Variants in PPM1A observed in about 807,000 individuals in gnomAD.
PPM1A encodes protein phosphatase 1A.
PPM1A carries 7 observed loss-of-function variants against 35.0 expected under a neutral mutation model. The ratio of observed to expected loss-of-function variants is 0.20; its 90% CI spans 0.11 to 0.38. The LOEUF (loss-of-function observed/expected upper bound fraction) is 0.38. Among genes scored for constraint, PPM1A ranks in the 10% least tolerant of loss-of-function variants. The pLI is 1.00. For synonymous variants in PPM1A, 153 were observed against 167.3 expected (o/e 0.91, Z 0.66); for missense variants, 239 against 467.8 (o/e 0.51, Z 4.51).
At chr14:60,259,351 CCTTT>C (rs998808903) in intron 1 of PPM1A, among the ~76,000 whole-genome samples, 6 of 151,880 alleles carry the variant, frequency 4.0e-5, no homozygotes, top group African/African-American at 1.2e-4. Flanking sequence ...TTATATTTTT[CCTTT>C]CTTTCAACTT....
chr14:60,246,063 G>T (rs749759118), upstream of PPM1A: 24 of 1,495,376 alleles, frequency 1.6e-5, no homozygotes, highest in Non-Finnish European at 2.1e-5. Flanking sequence ...AGGGAGGAAG[G>T]AATTGTTGAA....
intron 1 of PPM1A, among the ~76,000 whole-genome samples, chr14:60,275,351 C>A (rs887450083): frequency 6.6e-6 from 1 of 151,916 alleles, no homozygotes; most frequent in African/African-American, 2.4e-5. Flanking sequence ...GCTTTGTAAC[C>A]TTGGGCAAGT....
chr14:60,290,551 C>G (rs1566608109), intron 4 of PPM1A, among the ~76,000 whole-genome samples: 1 of 152,110 alleles, frequency 6.6e-6, no homozygotes, highest in Non-Finnish European at 1.5e-5. Flanking sequence ...CCTCAAATAT[C>G]CATATAATTG....
At chr14:60,279,219 A>G (rs896210480) in intron 1 of PPM1A, among the ~76,000 whole-genome samples, 3 of 152,140 alleles carry the variant, frequency 2.0e-5, no homozygotes, top group Non-Finnish European at 4.4e-5. Flanking sequence ...CCCAGGTTCA[A>G]ACAATTCTCC....
intron 1 of PPM1A, among the ~76,000 whole-genome samples, chr14:60,278,336 T>C (rs1885997610): frequency 8.9e-6 from 1 of 112,478 alleles, no homozygotes; most frequent in South Asian, 2.8e-4. Context: ...TGGCTCCCAG[T>C]TTCTTTTTTT....
Position 60,295,217 on chromosome 14 carries a change from C to T in PPM1A, c.*2735C>T, listed in dbSNP as rs886242712. On this transcript the variant is annotated 3_prime_UTR_variant, in exon 6 of 6. Coordinates refer to ENST00000395076, the MANE Select transcript of PPM1A (RefSeq NM_021003.5). ...AGGAAATAACATTTTGTATAGCAGG[C>T]TCTGTTTTACCCTAACATTAAAAAA... 6.6e-6 allele frequency: 1 copy of T among 151,660 alleles called. No individual in the cohort carries two copies. The highest frequency in any genetic ancestry group is 1.5e-5 in the Non-Finnish European group (1 of 67,702). The allele number at this position is 151,660 out of a possible 1,614,324, so 9.4% of individuals were successfully genotyped here. A position where few individuals can be genotyped will look rare whatever the true frequency, so the allele number is the denominator to read the frequency against.
chr14:60,283,519 C>T lies in PPM1A; in HGVS notation c.816C>T (p.Val272=), dbSNP rs775726793. 2.2e-5 allele frequency: 35 copies of T among 1,611,622 alleles called. No individual in the cohort carries two copies. The highest frequency in any genetic ancestry group is 4.0e-5 in the African/African-American group (3 of 74,756). The change falls in exon 2 of 6, where the codon GTC becomes GTT. Residue 272 remains valine (V), a synonymous_variant. Coordinates refer to ENST00000395076, the MANE Select transcript of PPM1A (RefSeq NM_021003.5). The surrounding 1 kb of genome is among the most constrained non-coding windows in gnomAD (Gnocchi z 6.3). ...DDLEKVCNEV[V]DTCLYKGSRD... ...TTGAGAAAGTTTGCAATGAAGTAGT[C>T]GACACCTGTTTGTATAAGGTAGCTA...
At chr14:60,249,161 C>A, upstream of PPM1A, 1 of 901,696 alleles carries the variant, frequency 1.1e-6, no homozygotes, top group Non-Finnish European at 1.3e-6. This position sits in a 1 kb window ranked among gnomAD's most constrained non-coding sequence, Gnocchi z 4.5. Flanking sequence ...CGGGGCGGGG[C>A]GAGCGGAGGG....
chr14:60,267,749 G>A (rs778793594), intron 1 of PPM1A, among the ~76,000 whole-genome samples: 2 of 152,010 alleles, frequency 1.3e-5, no homozygotes, highest in Non-Finnish European at 2.9e-5. Flanking sequence ...ATAATACAGT[G>A]AACTTCCATA....
At chr14:60,285,553 G>A in intron 2 of PPM1A, 71 bp from the exon 3 acceptor site, 1 of 1,469,506 alleles carries the variant, frequency 6.8e-7, no homozygotes, top group African/African-American at 1.4e-5. Flanking sequence ...AATTGGCACA[G>A]CTGTAAAGGT....
chr14:60,261,243 A>G (rs190842416), intron 1 of PPM1A, among the ~76,000 whole-genome samples: 2 of 152,324 alleles, frequency 1.3e-5, no homozygotes, highest in Non-Finnish European at 2.9e-5. Flanking sequence ...AGGATTAGAA[A>G]GAGACATTAA....
At chr14:60,268,736 A>T (rs1175124859) in intron 1 of PPM1A, among the ~76,000 whole-genome samples, 3 of 151,690 alleles carry the variant, frequency 2.0e-5, no homozygotes, top group Non-Finnish European at 4.4e-5. Flanking sequence ...GTTTGGTCAC[A>T]TCTCAGAATT....
At chr14:60,284,827 T>C (rs1488324886) in intron 2 of PPM1A, among the ~76,000 whole-genome samples, 1 of 151,598 alleles carries the variant, frequency 6.6e-6, no homozygotes, top group Non-Finnish European at 1.5e-5. Context: ...GCTAACAGCA[T>C]TAAGACTAGA....
chr14:60,285,778 A>C, intron 3 of PPM1A, 37 bp downstream of exon 3: 1 of 1,598,836 alleles, frequency 6.3e-7, no homozygotes, highest in Non-Finnish European at 8.5e-7. Context: ...GCTTTATTAA[A>C]GAAAAATCTT....
chr14:60,249,682 G>C lies in PPM1A; in HGVS notation c.-21+5G>C, dbSNP rs1238914737. ...GCCCGCCTGCGGCTGCTCCGGGTAAGTGCGGCGCTCGGGCCGACGGCGGGC... is the reference window on the plus strand; with the variant it reads ...GCCCGCCTGCGGCTGCTCCGGGTAACTGCGGCGCTCGGGCCGACGGCGGGC... On this transcript the variant is annotated splice_donor_5th_base_variant and intron_variant, in intron 1 of 5. Coordinates refer to ENST00000395076, the MANE Select transcript of PPM1A (RefSeq NM_021003.5). This position sits in a 1 kb window ranked among gnomAD's most constrained non-coding sequence, Gnocchi z 4.5. 1.6e-5 allele frequency: 16 copies of C among 984,046 alleles called. No homozygotes were observed. The highest frequency in any genetic ancestry group is 6.2e-5 in the Admixed American group (1 of 16,042). The allele number at this position is 984,046 out of a possible 1,614,324, so 61.0% of individuals were successfully genotyped here.
At chr14:60,287,267 CTTA>C in intron 3 of PPM1A, 1 of 972,534 alleles carries the variant, frequency 1.0e-6, no homozygotes, top group Non-Finnish European at 1.2e-6. Flanking sequence ...TTTTATATTT[CTTA>C]TTATCAAGCA....
chr14:60,277,545 AT>A (rs1057258333), intron 1 of PPM1A, among the ~76,000 whole-genome samples: 2 of 152,000 alleles, frequency 1.3e-5, no homozygotes, highest in Admixed American at 1.3e-4. Flanking sequence ...TACTGTATAT[AT>A]TTTTTAAAGT....
chr14:60,288,206 T>G, intron 3 of PPM1A: 3 of 981,486 alleles, frequency 3.1e-6, no homozygotes, highest in Non-Finnish European at 3.6e-6. Context: ...AGAATTTGTT[T>G]TCCTGTAATT....
At chr14:60,264,178 TG>T (rs574557154) in intron 1 of PPM1A, among the ~76,000 whole-genome samples, 41 of 152,334 alleles carry the variant, frequency 2.7e-4, no homozygotes, top group African/African-American at 7.9e-4. Context: ...TGCATTACTT[TG>T]TTTTTCAGCT....
Sources: gnomAD v4.1 joint callset for allele counts (sites outside exome capture counted in the v4.1 genomes callset) on GRCh38, gnomAD v4.1.1 for gene constraint, Gnocchi (gnomAD v3.1) non-coding constraint, MANE v1.5 for transcripts, NCBI Gene and HGNC (gene_info 2026-07-23, HGNC 2026-07-21) for gene names.